The following PKHD1L1 variants were observed in gnomAD, a reference collection of about 807,000 sequenced individuals.
PKHD1L1 encodes the protein fibrocystin-L.
PKHD1L1 carries 434 observed loss-of-function variants against 462.9 expected under a neutral mutation model. That is an observed-to-expected ratio of 0.94 (90% CI 0.87 to 1.02). PKHD1L1 has a LOEUF of 1.02. PKHD1L1 is among the 50% of genes least tolerant of loss of function. The pLI is 0.00. For synonymous variants in PKHD1L1, 1,781 were observed against 1,750.0 expected (o/e 1.02, Z -0.44); for missense variants, 5,202 against 5,096.1 (o/e 1.02, Z -0.63).
At position 109,442,926 on chromosome 8, in the gene PKHD1L1, A is replaced by G. The variant is rs1430384238; in HGVS notation, c.4394-20A>G. 1 of 1,608,526 alleles carries G rather than the reference A, an allele frequency of 6.2e-7. No homozygotes were observed. The highest frequency in any genetic ancestry group is 1.3e-5 in the African/African-American group (1 of 74,882). On this transcript the variant is annotated intron_variant, in intron 35 of 77. Coordinates refer to ENST00000378402, the MANE Select transcript of PKHD1L1 (RefSeq NM_177531.6). ...CATTAATTGCTTATATTTATTACGT[A>G]CAATCTCATTTTATGGCAGGTTCAT...
intron 62 of PKHD1L1, among the ~76,000 whole-genome samples, chr8:109,492,732 T>C (rs186933414): frequency 6.6e-6 from 1 of 152,018 alleles, no homozygotes; most frequent in East Asian, 1.9e-4. Flanking sequence ...AAGTACTTAA[T>C]TGACATTTAT....
chr8:109,396,590 C>T (rs1170402611), intron 11 of PKHD1L1, among the ~76,000 whole-genome samples: 1 of 152,230 alleles, frequency 6.6e-6, no homozygotes, highest in African/African-American at 2.4e-5. Context: ...TCAGTAATCA[C>T]TGAAGATATT....
chr8:109,436,191 CAA>C (rs778663498), intron 29 of PKHD1L1, 145 bp from the exon 30 acceptor site: 279 of 785,518 alleles, frequency 3.6e-4, no homozygotes, highest in Non-Finnish European at 4.9e-4. Context: ...GCATTCATCT[CAA>C]GTCTGGTCCT....
intron 27 of PKHD1L1, among the ~76,000 whole-genome samples, chr8:109,431,943 A>G (rs758103588): frequency 6.6e-6 from 1 of 152,194 alleles, no homozygotes; most frequent in Admixed American, 6.5e-5. Context: ...TAATAGCAAC[A>G]TATCCCCTAC....
intron 23 of PKHD1L1, among the ~76,000 whole-genome samples, chr8:109,422,593 G>A (rs1814529476): frequency 6.6e-6 from 1 of 152,002 alleles, no homozygotes. Context: ...TACTGTTATG[G>A]ATGTACCAGT....
intron 50 of PKHD1L1, among the ~76,000 whole-genome samples, chr8:109,474,513 T>A (rs1745858966): frequency 6.6e-6 from 1 of 152,280 alleles, no homozygotes; most frequent in African/African-American, 2.4e-5. Flanking sequence ...AAGTTATAGG[T>A]CTAGTTGTAG....
In PKHD1L1 at chr8:109,448,340, A is replaced by G; in HGVS notation, c.5974A>G (p.Thr1992Ala). ...TAAGACAAAAGGCTCAGCCATGTCC[A>G]CAGTTGTATTTGAGTACCCGCTTAA... is the stretch of plus-strand genomic sequence containing the variant. Reference protein sequence around the residue: ...HHKTKGSAMSTVVFEYPLNIQ... With the variant: ...HHKTKGSAMSAVVFEYPLNIQ... The change falls in exon 39 of 78, where the codon ACA (threonine) becomes GCA (alanine). Residue 1992 changes from threonine to alanine, a missense_variant. Physicochemically the swap from Thr to Ala is moderately conservative, Grantham distance 58. This residue lies in a region of PKHD1L1 where 4,497 missense variants were observed against 4,336.8 expected (regional missense o/e 1.04). Coordinates refer to ENST00000378402, the MANE Select transcript of PKHD1L1 (RefSeq NM_177531.6). 1 of 1,613,774 alleles carries G rather than the reference A, an allele frequency of 6.2e-7. No homozygotes were observed. Among genetic ancestry groups the G allele is most frequent in the Middle Eastern group, 1.6e-4 (1 of 6,062 alleles).
chr8:109,375,034 C>G (rs201097852), intron 2 of PKHD1L1, among the ~76,000 whole-genome samples: 2 of 152,050 alleles, frequency 1.3e-5, no homozygotes, highest in African/African-American at 4.8e-5. Flanking sequence ...TTTTCTGAAT[C>G]TGAATGTTGG....
chr8:109,519,880 G>A (rs959816603), intron 73 of PKHD1L1, among the ~76,000 whole-genome samples: 7 of 152,098 alleles, frequency 4.6e-5, no homozygotes, highest in African/African-American at 1.7e-4. Flanking sequence ...CCTGTGTTCA[G>A]TCACTTTATC....
Position 109,481,441 on chromosome 8 carries a change from A to C in PKHD1L1, c.9336A>C (p.Arg3112Ser), listed in dbSNP as rs542538488. 3.1e-6 allele frequency: 5 copies of C among 1,595,004 alleles called. No individual in the cohort carries two copies. In the African/African-American group the frequency reaches 6.7e-5, roughly 21 times the overall value. The change falls in exon 56 of 78, where the codon AGA (arginine) becomes AGC (serine). Residue 3112 changes from arginine to serine, a missense_variant. Coordinates refer to ENST00000378402, the MANE Select transcript of PKHD1L1 (RefSeq NM_177531.6). ...TTTCTGCTTCATTTCAGGGAGGTAG[A>C]TTAATCGGTGGCTGGGAAGATAACC... ...NATYISLQGG[R>S]LIGGWEDNPF...
At chr8:109,435,091 C>A (rs1268304427) in intron 28 of PKHD1L1, 99 bp from the exon 29 acceptor site, 9 of 1,269,190 alleles carry the variant, frequency 7.1e-6, no homozygotes, top group African/African-American at 3.0e-5. Flanking sequence ...TTCGTGAGAT[C>A]TAAAAATGAA....
At chr8:109,421,515 G>A (rs904052944) in intron 23 of PKHD1L1, among the ~76,000 whole-genome samples, 77 of 152,142 alleles carry the variant, frequency 5.1e-4, no homozygotes, top group Admixed American at 1.3e-4. Flanking sequence ...GGGCGCGGTG[G>A]CTCACGCCTA....
chr8:109,447,478 A>C (rs769759205), intron 38 of PKHD1L1, among the ~76,000 whole-genome samples: 12 of 152,194 alleles, frequency 7.9e-5, no homozygotes, highest in Non-Finnish European at 1.2e-4. Flanking sequence ...ACAACCTATG[A>C]AAAGTTCCAC....
intron 9 of PKHD1L1, among the ~76,000 whole-genome samples, chr8:109,392,475 C>A (rs193244443): frequency 1.3e-5 from 2 of 152,094 alleles, no homozygotes; most frequent in Admixed American, 1.3e-4. Flanking sequence ...ATTCTGTGGA[C>A]TCAATTTATA....
Position 109,449,478 on chromosome 8 carries a change from T to C in PKHD1L1, c.6166T>C (p.Ser2056Pro). The C allele has an allele frequency of 6.3e-7, 1 of 1,591,982 alleles. No individual in the cohort carries two copies. Among genetic ancestry groups the C allele is most frequent in the African/African-American group, 1.3e-5 (1 of 74,604 alleles). ...CACAACACTATTATGTGAAATTCCA[T>C]CTAATAATGGTAAGTTGTCAGAAAA... is the stretch of plus-strand genomic sequence containing the variant. ...DYTTLLCEIP[S>P]NNGTGAEQAC... The change falls in exon 40 of 78, where the codon TCT becomes CCT. Residue 2056 changes from serine to proline, a missense_variant. Transcript: ENST00000378402.
Position 109,398,407 on chromosome 8 carries a change from T to C in PKHD1L1, c.923-52T>C, listed in dbSNP as rs1586429248. ...AGTGCTTAAAGATACACTGATGTGA[T>C]TTGCATTCTGAAGTTTCAGTAGTAA... On this transcript the variant is annotated intron_variant, in intron 11 of 77. Coordinates refer to ENST00000378402, the MANE Select transcript of PKHD1L1 (RefSeq NM_177531.6). 5.2e-6 allele frequency: 6 copies of C among 1,144,740 alleles called. No individual in the cohort carries two copies. The South Asian group carries it at 5.3e-5, about 10-fold the overall frequency. 70.9% of individuals were successfully genotyped at this position (1,144,740 alleles called of 1,614,324 possible). A position where few individuals can be genotyped will look rare whatever the true frequency, so the allele number is the denominator to read the frequency against.
Position 109,459,808 on chromosome 8 carries a change from T to G in PKHD1L1, c.7218T>G (p.Ile2406Met). ...ATAATGTTGAGTGGAATAACAAAAT[T>G]CCTGCATGTCCTGATGGATTTGACA... Reference protein sequence around the residue: ...GSDNVEWNNKIPACPDGFDTG... With the variant: ...GSDNVEWNNKMPACPDGFDTG... Residue 2406 changes from isoleucine (I) to methionine (M), a missense_variant, in exon 47 of 78, where the codon ATT (isoleucine) becomes ATG (methionine). This residue lies in a region of PKHD1L1 where 4,497 missense variants were observed against 4,336.8 expected (regional missense o/e 1.04). Transcript: ENST00000378402. 3 of 1,611,274 alleles carry G rather than the reference T, an allele frequency of 1.9e-6. No individual in the cohort carries two copies. The highest frequency in any genetic ancestry group is 2.5e-6 in the Non-Finnish European group (3 of 1,178,450).
chr8:109,414,253 A>G (rs1307039967), intron 21 of PKHD1L1, among the ~76,000 whole-genome samples: 1 of 152,194 alleles, frequency 6.6e-6, no homozygotes, highest in East Asian at 1.9e-4. Context: ...TCTATTTTAT[A>G]CAGTACTCCC....
At chr8:109,411,846 G>A (rs1813871973) in intron 19 of PKHD1L1, among the ~76,000 whole-genome samples, 1 of 152,114 alleles carries the variant, frequency 6.6e-6, no homozygotes, top group Admixed American at 6.6e-5. Flanking sequence ...TTGAGCCTTA[G>A]TACGATAATC....
Sources: allele counts gnomAD v4.1 joint callset (sites outside exome capture counted in the v4.1 genomes callset), GRCh38; gene constraint gnomAD v4.1.1; regional missense constraint gnomAD v4.1.1; transcripts MANE v1.5; gene names NCBI Gene and HGNC (gene_info 2026-07-23, HGNC 2026-07-21).